The following IMMP2L variants were observed in gnomAD, a reference collection of about 807,000 sequenced individuals.
IMMP2L encodes inner mitochondrial membrane peptidase subunit 2.
IMMP2L carries 18 observed loss-of-function variants against 19.3 expected under a neutral mutation model. The ratio of observed to expected loss-of-function variants is 0.93; its 90% confidence interval spans 0.64 to 1.38. The LOEUF is 1.38. IMMP2L is among the 40% of genes most tolerant of loss of function. The pLI, the probability that IMMP2L is intolerant of heterozygous loss-of-function variation, is 0.00. For missense variants in IMMP2L, 233 were observed against 218.2 expected, an observed-to-expected ratio of 1.07 and a Z score of -0.43; for synonymous variants, 76 against 73.0, an observed-to-expected ratio of 1.04 and a Z score of -0.21.
intron 3 of IMMP2L, among the ~76,000 whole-genome samples, chr7:111,039,953 G>A (rs913836242): frequency 6.6e-6 from 1 of 152,132 alleles, no homozygotes; most frequent in Non-Finnish European, 1.5e-5. Flanking sequence ...ATCACCTGAG[G>A]TCAGGAGTTC....
In IMMP2L at chr7:111,268,569, CTTTTTTTTTTTT is replaced by C. The variant is rs762576425; in HGVS notation, c.239+218657_239+218668del. 3.0e-3 allele frequency among the ~76,000 whole-genome samples: 132 copies of C among 44,580 alleles called. 1 individual carries two copies. The highest frequency in any genetic ancestry group is 0.012 in the African/African-American group (120 of 9,818). 29.2% of individuals were successfully genotyped at this position (44,580 alleles called of 152,430 possible). On this transcript the variant is annotated intron_variant, in intron 3 of 5. Coordinates refer to ENST00000405709, the MANE Select transcript of IMMP2L (RefSeq NM_032549.4). ...GATATGAGTTAAACTTCACATTTCT[CTTTTTTTTTTTT>C]TTTTTTTTTTTTTTTTTTTTTTTTT...
chr7:111,450,776 T>C (rs1279195105), intron 3 of IMMP2L, among the ~76,000 whole-genome samples: 1 of 150,912 alleles, frequency 6.6e-6, no homozygotes, highest in Non-Finnish European at 1.5e-5. Context: ...ACAGGCAACC[T>C]ACAACATGGG....
chr7:110,882,654 T>C (rs1706137050), intron 5 of IMMP2L, among the ~76,000 whole-genome samples: 1 of 152,152 alleles, frequency 6.6e-6, no homozygotes, highest in African/African-American at 2.4e-5. Flanking sequence ...GTGCTGGGAT[T>C]ACAGCCATGA....
At position 111,200,595 on chromosome 7, in the gene IMMP2L, A is replaced by G. The variant is rs547244356; in HGVS notation, c.240-237030T>C. On this transcript the variant is annotated intron_variant, in intron 3 of 5. Transcript: ENST00000405709. ...TATTTCTGCCCGTGAAGAACTCACT[A>G]TCTGCTGGAAAAAAAAGAAACAGAC... 7.0e-4 allele frequency among the ~76,000 whole-genome samples: 92 copies of G among 131,638 alleles called. No individual in the cohort carries two copies. In the South Asian group the frequency reaches 0.02, roughly 29 times the overall value. 86.4% of individuals were successfully genotyped at this position (131,638 alleles called of 152,430 possible). A position where few individuals can be genotyped will look rare whatever the true frequency, so the allele number is the denominator to read the frequency against.
At chr7:110,685,745 G>A (rs1239185576) in intron 5 of IMMP2L, among the ~76,000 whole-genome samples, 1 of 151,898 alleles carries the variant, frequency 6.6e-6, no homozygotes, top group African/African-American at 2.4e-5. Flanking sequence ...GCTGGGCTTT[G>A]AAGGAGCTTT....
At chr7:110,795,917 C>G (rs1050615575) in intron 5 of IMMP2L, among the ~76,000 whole-genome samples, 7 of 151,922 alleles carry the variant, frequency 4.6e-5, no homozygotes, top group African/African-American at 1.5e-4. Context: ...TGGCTGTGTC[C>G]CCACCCAAAT....
At chr7:111,353,846 A>G (rs1828428245) in intron 3 of IMMP2L, among the ~76,000 whole-genome samples, 1 of 152,164 alleles carries the variant, frequency 6.6e-6, no homozygotes, top group African/African-American at 2.4e-5. Context: ...TATATGTTAC[A>G]TAAGTTATGA....
At chr7:111,445,840 G>C (rs923596186) in intron 3 of IMMP2L, among the ~76,000 whole-genome samples, 1 of 152,178 alleles carries the variant, frequency 6.6e-6, no homozygotes, top group Non-Finnish European at 1.5e-5. Flanking sequence ...GCGCAGGCCA[G>C]TGGGTGCGCG....
chr7:111,007,610 A>C (rs1824436857), intron 3 of IMMP2L, among the ~76,000 whole-genome samples: 1 of 152,028 alleles, frequency 6.6e-6, no homozygotes, highest in African/African-American at 2.4e-5. Flanking sequence ...CTCCCTAGTA[A>C]ATCTCTTCCA....
rs1335934318 is a variant in IMMP2L at position 111,203,980 on chromosome 7, C to T, written c.240-240415G>A. 2.0e-5 allele frequency among the ~76,000 whole-genome samples: 3 copies of T among 152,098 alleles called. No homozygotes were observed. In the East Asian group the frequency reaches 5.8e-4, roughly 29 times the overall value. The stretch of plus-strand genomic sequence containing the variant: ...CAAAAGATCTCACACTATAGAACTG[C>T]TGAATGGACTCACAAATCACTTATA... On this transcript the variant is annotated intron_variant, in intron 3 of 5. Transcript: ENST00000405709.
chr7:111,362,276 T>C (rs1041792466), intron 3 of IMMP2L, among the ~76,000 whole-genome samples: 1 of 152,094 alleles, frequency 6.6e-6, no homozygotes, highest in African/African-American at 2.4e-5. Flanking sequence ...TCCTCTATCA[T>C]ACTTCTCTTC....
intron 3 of IMMP2L, among the ~76,000 whole-genome samples, chr7:111,064,185 A>T (rs1019754886): frequency 1.3e-5 from 2 of 152,152 alleles, no homozygotes; most frequent in Non-Finnish European, 2.9e-5. Flanking sequence ...TTGTGCAGGG[A>T]AACTCTTACT....
chr7:111,079,441 T>A (rs1280360755), intron 3 of IMMP2L, among the ~76,000 whole-genome samples: 1 of 152,180 alleles, frequency 6.6e-6, no homozygotes, highest in African/African-American at 2.4e-5. Flanking sequence ...ATTCACTAAA[T>A]CTAATACTAT....
chr7:111,498,424 A>C (rs979486502), intron 2 of IMMP2L, among the ~76,000 whole-genome samples: 1 of 152,100 alleles, frequency 6.6e-6, no homozygotes, highest in African/African-American at 2.4e-5. Context: ...CCCCAGCAAG[A>C]TACATGCGGA....
chr7:111,525,612 A>G (rs1027678379), intron 1 of IMMP2L, among the ~76,000 whole-genome samples: 1 of 152,046 alleles, frequency 6.6e-6, no homozygotes, highest in African/African-American at 2.4e-5. Flanking sequence ...ATTTATGTAT[A>G]TATTTTGGAA....
intron 1 of IMMP2L, among the ~76,000 whole-genome samples, chr7:111,549,055 C>T (rs1298858972): frequency 6.6e-6 from 1 of 152,144 alleles, no homozygotes; most frequent in African/African-American, 2.4e-5. Flanking sequence ...CAGAAGAAGA[C>T]AAGGCTTAAT....
intron 5 of IMMP2L, among the ~76,000 whole-genome samples, chr7:110,809,398 G>T (rs1376910052): frequency 6.6e-6 from 1 of 151,736 alleles, no homozygotes; most frequent in Non-Finnish European, 1.5e-5. Context: ...CAAAATATTA[G>T]CCTTTTTAGT....
chr7:110,839,430 G>C (rs1223068354), intron 5 of IMMP2L, among the ~76,000 whole-genome samples: 2 of 152,022 alleles, frequency 1.3e-5, no homozygotes, highest in African/African-American at 4.8e-5. Context: ...CCTAGGTATA[G>C]ATATATCAGA....
chr7:111,347,702 G>C (rs778877960), intron 3 of IMMP2L, among the ~76,000 whole-genome samples: 5 of 151,918 alleles, frequency 3.3e-5, no homozygotes, highest in Admixed American at 6.6e-5. Context: ...GGTTGGGCTT[G>C]AGTATGATTA....
Sources: allele counts gnomAD v4.1 joint callset (sites outside exome capture counted in the v4.1 genomes callset), GRCh38; gene constraint gnomAD v4.1.1; transcripts MANE v1.5; gene names NCBI Gene and HGNC (gene_info 2026-07-23, HGNC 2026-07-21).